The following MACF1 variants were observed in gnomAD, a reference collection of about 807,000 sequenced individuals.
MACF1 encodes the protein microtubule actin crosslinking factor 1, also known as microtubule-actin cross-linking factor 1.
Under a neutral mutation model 854.8 loss-of-function variants are expected in MACF1, and 193 were observed. The ratio of observed to expected loss-of-function variants is 0.23; its 90% confidence interval spans 0.20 to 0.25. MACF1 has a LOEUF of 0.25. Among genes scored for constraint, MACF1 ranks in the 10% least tolerant of loss-of-function variants. The pLI, the probability that MACF1 is intolerant of heterozygous loss-of-function variation, is 1.00. For synonymous variants in MACF1, 3,185 were observed against 3,226.7 expected, an observed-to-expected ratio of 0.99 and a Z score of 0.44; for missense variants, 7,722 against 8,929.1, an observed-to-expected ratio of 0.86 and a Z score of 5.45.
Position 39,468,620 on chromosome 1 carries a change from G to A in MACF1, c.21777G>A (p.Gly7259=). 6.2e-7 allele frequency: 1 copy of A among 1,613,602 alleles called. No homozygotes were observed. The highest frequency in any genetic ancestry group is 8.5e-7 in the Non-Finnish European group (1 of 1,179,548). Residue 7259 remains glycine, a synonymous_variant, in exon 96 of 101, where the codon GGG becomes GGA. Coordinates refer to ENST00000564288, the MANE Select transcript of MACF1 (RefSeq NM_001394062.1). Reference sequence around the variant, plus strand: ...AGTTTCCTTTGATTCTACAGTTTGGGGATTCTCAGCAGTTGCGGCTGGTCC... The same window carrying A: ...AGTTTCCTTTGATTCTACAGTTTGGAGATTCTCAGCAGTTGCGGCTGGTCC... ...KYRFFLGNQF[G]DSQQLRLVRI...
At chr1:39,121,505 G>A (rs948206437) in intron 2 of MACF1, among the ~76,000 whole-genome samples, 5 of 151,924 alleles carry the variant, frequency 3.3e-5, no homozygotes, top group African/African-American at 7.3e-5. Context: ...TCTGGAGTGC[G>A]GTGGCACTAT....
chr1:39,246,545 G>GT (rs1644982527), intron 2 of MACF1, among the ~76,000 whole-genome samples: 1 of 152,134 alleles, frequency 6.6e-6, no homozygotes, highest in Non-Finnish European at 1.5e-5. Flanking sequence ...TTTCACTCCT[G>GT]TTGCCCGGGC....
chr1:39,448,617 C>A lies in MACF1; in HGVS notation c.20112C>A (p.Gly6704=). 1 of 1,571,346 alleles carries A rather than the reference C, an allele frequency of 6.4e-7. No individual in the cohort carries two copies. Among genetic ancestry groups the A allele is most frequent in the Non-Finnish European group, 8.6e-7 (1 of 1,157,024 alleles). The stretch of plus-strand genomic sequence containing the variant: ...AGGAGTTTCAGAAGACTCTTGGTGG[C>A]AAGCAGCCTGTGTATGATACCACAA... The part of the protein sequence containing the change: ...KHKEFQKTLG[G]KQPVYDTTIR... The change falls in exon 84 of 101, where the codon GGC becomes GGA. Residue 6704 remains glycine, a synonymous_variant. Transcript: ENST00000564288.
chr1:39,193,791 G>GGA (rs147540075), intron 2 of MACF1, among the ~76,000 whole-genome samples: 50 of 149,046 alleles, frequency 3.4e-4, no homozygotes, highest in Middle Eastern at 3.5e-3. Flanking sequence ...AGAGAGAGAG[G>GGA]GAGAGAGAGA....
At chr1:39,294,474 C>T (rs1645859888) in intron 18 of MACF1, among the ~76,000 whole-genome samples, 1 of 152,040 alleles carries the variant, frequency 6.6e-6, no homozygotes, top group African/African-American at 2.4e-5. Flanking sequence ...GCATATGATT[C>T]TACTGAATTA....
chr1:39,265,541 A>G (rs1487398774), intron 6 of MACF1, among the ~76,000 whole-genome samples: 1 of 152,222 alleles, frequency 6.6e-6, no homozygotes, highest in African/African-American at 2.4e-5. Context: ...TGTATTCCGA[A>G]CACTTATATT....
chr1:39,304,449 C>A, intron 23 of MACF1: 1 of 1,422,396 alleles, frequency 7.0e-7, no homozygotes, highest in Non-Finnish European at 9.8e-7. Context: ...CCTTTAGAAC[C>A]TGATCCAACA....
rs186748118 is a variant in MACF1, at chr1:39,103,270, C to G, written c.220+18832C>G. On this transcript the variant is annotated intron_variant, in intron 2 of 93. Coordinates refer to the MACF1 transcript ENST00000361689. ...CCTTTGGCAAGCATCAGTCACACAT[C>G]TTGAGGAACCTGCTCACAAAGTGGC... 2.2e-3 allele frequency: 713 copies of G among 322,488 alleles called. 8 individuals carry two copies. The highest frequency in any genetic ancestry group is 4.5e-3 in the Middle Eastern group (4 of 884). 20.0% of individuals were successfully genotyped at this position (322,488 alleles called of 1,614,324 possible). A position where few individuals can be genotyped will look rare whatever the true frequency, so the allele number is the denominator to read the frequency against.
intron 58 of MACF1, among the ~76,000 whole-genome samples, chr1:39,403,841 C>CG (rs987139905): frequency 1.4e-4 from 9 of 62,736 alleles, no homozygotes; most frequent in South Asian, 7.5e-4. Flanking sequence ...AATTTTTGGG[C>CG]GGGGGGGCCG....
chr1:39,337,723 C>T (rs1022098779), intron 38 of MACF1, among the ~76,000 whole-genome samples: 5 of 151,388 alleles, frequency 3.3e-5, no homozygotes, highest in Non-Finnish European at 5.9e-5. Context: ...CCTGCCGCCA[C>T]GCCTGGCTAA....
At chr1:39,123,441 CA>C (rs1185292042) in intron 2 of MACF1, among the ~76,000 whole-genome samples, 3 of 151,870 alleles carry the variant, frequency 2.0e-5, no homozygotes, top group African/African-American at 7.3e-5. Context: ...CTGCTGACCT[CA>C]GATGATCCAC....
At chr1:39,292,132 G>C in intron 16 of MACF1, 94 bp downstream of exon 16, 27 of 1,408,842 alleles carry the variant, frequency 1.9e-5, no homozygotes, top group Non-Finnish European at 2.5e-5. Flanking sequence ...AAGGAGGAGG[G>C]TGCTCTGGAA....
intron 6 of MACF1, chr1:39,269,320 C>T (rs1645274192): frequency 7.8e-7 from 1 of 1,289,724 alleles, no homozygotes; most frequent in African/African-American, 1.5e-5. Flanking sequence ...GACTACCCCA[C>T]TGATAAAGGA....
At chr1:39,252,336 T>C (rs1645049872) in intron 4 of MACF1, among the ~76,000 whole-genome samples, 1 of 152,208 alleles carries the variant, frequency 6.6e-6, no homozygotes, top group Non-Finnish European at 1.5e-5. Flanking sequence ...CTAGACTAAC[T>C]GGTACTCTCC....
rs1057170885 is a variant in MACF1, at chr1:39,216,042, T to C, written c.109+10911T>C. 4.6e-5 allele frequency among the ~76,000 whole-genome samples: 7 copies of C among 152,174 alleles called. No homozygotes were observed. In the South Asian group the frequency reaches 1.5e-3, roughly 32 times the overall value. On this transcript the variant is annotated intron_variant, in intron 1 of 100. Coordinates refer to ENST00000564288, the MANE Select transcript of MACF1 (RefSeq NM_001394062.1). ...TTATTTAAGTAATGTCCTGTGGCCT[T>C]GAACAAGTGACTTAACCTTTTTGGC...
At chr1:39,450,176 G>T (rs542503291) in intron 84 of MACF1, among the ~76,000 whole-genome samples, 1 of 151,820 alleles carries the variant, frequency 6.6e-6, no homozygotes, top group African/African-American at 2.4e-5. Flanking sequence ...TTTTTTATTT[G>T]AGTAGAGACA....
intron 95 of MACF1, among the ~76,000 whole-genome samples, chr1:39,465,661 T>C (rs79998203): frequency 6.6e-6 from 1 of 152,328 alleles, no homozygotes; most frequent in East Asian, 1.9e-4. Context: ...AAATTAGACT[T>C]GCAAAAAAGA....
chr1:39,111,063 T>C (rs1642390567), intron 2 of MACF1, among the ~76,000 whole-genome samples: 1 of 152,238 alleles, frequency 6.6e-6, no homozygotes, highest in Non-Finnish European at 1.5e-5. Flanking sequence ...AGCCATGTTG[T>C]GACTAGGTTG....
intron 58 of MACF1, chr1:39,410,531 A>G: frequency 6.2e-7 from 1 of 1,614,040 alleles, no homozygotes; most frequent in Non-Finnish European, 8.5e-7. Context: ...AGAGCACCAG[A>G]AGGTAAGAAG....
Sources: allele counts gnomAD v4.1 joint callset (sites outside exome capture counted in the v4.1 genomes callset), GRCh38; gene constraint gnomAD v4.1.1; transcripts MANE v1.5; gene names NCBI Gene and HGNC (gene_info 2026-07-23, HGNC 2026-07-21).